The following LOC128462377 variants were observed in gnomAD, a reference collection of about 807,000 sequenced individuals.
chr16:89,321,863 C>T, the LOC128462377 span, among the ~76,000 whole-genome samples: 1 of 152,166 alleles, frequency 6.6e-6, no homozygotes, highest in Admixed American at 6.5e-5. Context: ...CAGCAAGACC[C>T]ATCTCTCCTC....
chr16:89,317,587 T>C, the LOC128462377 span, among the ~76,000 whole-genome samples: 1 of 152,164 alleles, frequency 6.6e-6, no homozygotes, highest in East Asian at 1.9e-4. Flanking sequence ...CCTGTGCTTT[T>C]TGCACACCCA....
the LOC128462377 span, among the ~76,000 whole-genome samples, chr16:89,381,358 G>GGGT: frequency 7.9e-6 from 1 of 126,006 alleles, no homozygotes; most frequent in African/African-American, 3.2e-5. Context: ...AAAAAAAGGG[G>GGGT]TGAGAAGGGC....
the LOC128462377 span, among the ~76,000 whole-genome samples, chr16:89,327,656 G>A: frequency 6.6e-6 from 1 of 152,108 alleles, no homozygotes; most frequent in East Asian, 1.9e-4. Flanking sequence ...GAAATACACA[G>A]TACCATTCTA....
chr16:89,385,312 A>G, the LOC128462377 span, among the ~76,000 whole-genome samples: 1 of 151,860 alleles, frequency 6.6e-6, no homozygotes, highest in African/African-American at 2.4e-5. Context: ...TATTTTTAGT[A>G]GAGACGCTGT....
the LOC128462377 span, among the ~76,000 whole-genome samples, chr16:89,329,935 A>G: frequency 6.6e-6 from 1 of 152,102 alleles, no homozygotes; most frequent in Non-Finnish European, 1.5e-5. Context: ...GGCTGCCGTG[A>G]GCAGAGATCA....
At chr16:89,396,277 G>A in the LOC128462377 span, among the ~76,000 whole-genome samples, 16 of 152,100 alleles carry the variant, frequency 1.1e-4, no homozygotes, top group African/African-American at 3.4e-4. Flanking sequence ...CACGAGTCCC[G>A]GGCACCCAAT....
chr16:89,337,429 C>CTTTTTTTTTTTTTTTTTTTTT, the LOC128462377 span, among the ~76,000 whole-genome samples: 3 of 53,134 alleles, frequency 5.6e-5, 1 homozygote, highest in African/African-American at 8.2e-5. Context: ...CTAAGCAATT[C>CTTTTTTTTTTTTTTTTTTTTT]TTTTTTTTTT....
At chr16:89,323,080 C>T in the LOC128462377 span, 2 of 308,228 alleles carry the variant, frequency 6.5e-6, no homozygotes, top group South Asian at 2.5e-5. Flanking sequence ...TGCTTTACGG[C>T]AACCCCTGCC....
the LOC128462377 span, among the ~76,000 whole-genome samples, chr16:89,357,874 G>A: frequency 6.6e-6 from 1 of 152,190 alleles, no homozygotes; most frequent in Non-Finnish European, 1.5e-5. Flanking sequence ...CCCCTTTCTG[G>A]GGACACCTTT....
the LOC128462377 span, among the ~76,000 whole-genome samples, chr16:89,346,278 C>G: frequency 7.1e-6 from 1 of 140,898 alleles, no homozygotes; most frequent in African/African-American, 2.6e-5. Flanking sequence ...AAAGAATCAA[C>G]ACAACAGAGA....
chr16:89,374,276 C>A, the LOC128462377 span, among the ~76,000 whole-genome samples: 1 of 152,048 alleles, frequency 6.6e-6, no homozygotes, highest in Non-Finnish European at 1.5e-5. Flanking sequence ...TAATTCTCTT[C>A]ACTTAAAAAA....
the LOC128462377 span, among the ~76,000 whole-genome samples, chr16:89,328,213 A>T: frequency 3.3e-4 from 51 of 152,292 alleles, no homozygotes; most frequent in Non-Finnish European, 7.1e-4. Context: ...GCTGGAGAGG[A>T]TGTAGAAAAG....
chr16:89,398,357 G>A, the LOC128462377 span, among the ~76,000 whole-genome samples: 10 of 83,258 alleles, frequency 1.2e-4, no homozygotes, highest in African/African-American at 3.9e-4. Context: ...AGCACTCTAG[G>A]AGGCTGACAT....
chr16:89,317,429 G>A, the LOC128462377 span, among the ~76,000 whole-genome samples: 1 of 152,198 alleles, frequency 6.6e-6, no homozygotes, highest in Non-Finnish European at 1.5e-5. Context: ...AAACGGTCAG[G>A]CACCACAAGG....
At chr16:89,319,148 C>T in the LOC128462377 span, among the ~76,000 whole-genome samples, 1 of 152,344 alleles carries the variant, frequency 6.6e-6, no homozygotes, top group South Asian at 2.1e-4. Flanking sequence ...GTAGAGTCCA[C>T]CGTCCTGATC....
the LOC128462377 span, among the ~76,000 whole-genome samples, chr16:89,378,126 G>A: frequency 1.3e-5 from 2 of 152,160 alleles, no homozygotes; most frequent in Non-Finnish European, 2.9e-5. Flanking sequence ...GAGGCGGAAG[G>A]ATCACTTGAG....
chr16:89,332,344 A>C, the LOC128462377 span, among the ~76,000 whole-genome samples: 1 of 152,258 alleles, frequency 6.6e-6, no homozygotes, highest in East Asian at 1.9e-4. Context: ...TGGCCCAAGC[A>C]CCTCTGGTGG....
the LOC128462377 span, among the ~76,000 whole-genome samples, chr16:89,317,365 G>C: frequency 6.6e-6 from 1 of 152,218 alleles, no homozygotes; most frequent in East Asian, 1.9e-4. Flanking sequence ...TGTGTTCTGG[G>C]TGGCAGTCAG....
chr16:89,354,481 C>CACAGAGG, the LOC128462377 span, among the ~76,000 whole-genome samples: 1 of 152,238 alleles, frequency 6.6e-6, no homozygotes, highest in African/African-American at 2.4e-5. Context: ...GTGGAAATGT[C>CACAGAGG]ACAGAGGGCA....
Sources: allele counts gnomAD v4.1 joint callset (sites outside exome capture counted in the v4.1 genomes callset), GRCh38; gene constraint gnomAD v4.1.1; transcripts MANE v1.5.